The following ZC4H2 variants were observed in gnomAD, a reference collection of about 807,000 sequenced individuals.
ZC4H2 encodes zinc finger C4H2-type containing.
For synonymous variants in ZC4H2, 84 were observed against 66.3 expected (o/e 1.27, Z -1.30); for missense variants, 137 against 173.9 (o/e 0.79, Z 1.19).
chrX:64,947,845 C>CT lies in ZC4H2; in HGVS notation c.54-25858dup, dbSNP rs755382195. ...CTTCCAATTTGTGTATGTCACTTCTCTTTTTTTTTTTTTTGTTTATAAATC... is the reference window on the plus strand; with the variant it reads ...CTTCCAATTTGTGTATGTCACTTCTCTTTTTTTTTTTTTTTGTTTATAAATC... On this transcript the variant is annotated intron_variant, in intron 1 of 4. Transcript: ENST00000374839. Among the ~76,000 whole-genome samples, 362 of 100,802 alleles carry CT rather than the reference C, an allele frequency of 3.6e-3. 2 individuals are homozygous for CT. Among genetic ancestry groups the CT allele is most frequent in the East Asian group, 9.1e-3 (30 of 3,280 alleles). 87.5% of individuals were successfully genotyped at this position (100,802 alleles called of 115,157 possible).
intron 1 of ZC4H2, among the ~76,000 whole-genome samples, chrX:64,924,120 T>C (rs969622225): frequency 7.2e-5 from 8 of 111,751 alleles, no homozygotes; most frequent in African/African-American, 2.6e-4. Flanking sequence ...CAGAGTAGTA[T>C]AGTGTCTCAC....
intron 1 of ZC4H2, among the ~76,000 whole-genome samples, chrX:65,032,146 G>T (rs1932940363): frequency 9.0e-6 from 1 of 111,675 alleles, no homozygotes; most frequent in Non-Finnish European, 1.9e-5. Flanking sequence ...CCCCAGGAAA[G>T]ATATTGAAGG....
chrX:65,011,444 G>A (rs1298983663), intron 1 of ZC4H2, among the ~76,000 whole-genome samples: 2 of 111,481 alleles, frequency 1.8e-5, no homozygotes, highest in Non-Finnish European at 3.8e-5. Context: ...CTGGGTGAGG[G>A]AGAGGTCTGG....
At chrX:64,984,339 C>A (rs925830569) in intron 1 of ZC4H2, among the ~76,000 whole-genome samples, 8 of 112,037 alleles carry the variant, frequency 7.1e-5, no homozygotes, top group African/African-American at 2.6e-4. Context: ...GCCAGCTACA[C>A]AAGAGGACAG....
At chrX:64,961,453 T>C (rs1453864979) in intron 1 of ZC4H2, among the ~76,000 whole-genome samples, 1 of 111,125 alleles carries the variant, frequency 9.0e-6, no homozygotes. Flanking sequence ...CTGCCATGCC[T>C]CTACTTGGTC....
At chrX:65,016,734 C>T (rs1048790609) in intron 1 of ZC4H2, among the ~76,000 whole-genome samples, 5 of 111,931 alleles carry the variant, frequency 4.5e-5, no homozygotes, top group African/African-American at 1.3e-4. Context: ...GACCAGGGCC[C>T]AATATGTCTA....
rs144474641 is a variant in ZC4H2 at position 64,981,629 on chromosome X, G to A, written c.-272+53000C>T. Among the ~76,000 whole-genome samples the A allele has an allele frequency of 5.3e-3, 591 of 111,049 alleles. 3 individuals carry two copies. The highest frequency in any genetic ancestry group is 9.2e-3 in the Middle Eastern group (2 of 217). On this transcript the variant is annotated intron_variant, in intron 1 of 4. Coordinates refer to the ZC4H2 transcript ENST00000337990. ...TGGAAGAGAACCGTACGATGTTAGA[G>A]CTAGAAGGCACTCACATGTGATATA...
intron 1 of ZC4H2, among the ~76,000 whole-genome samples, chrX:64,926,151 T>A (rs1929413896): frequency 9.0e-6 from 1 of 111,629 alleles, no homozygotes; most frequent in South Asian, 3.8e-4. Context: ...TATCTTTCAA[T>A]AGTGGTGCAT....
intron 3 of ZC4H2, chrX:64,919,873 C>T: frequency 2.7e-6 from 1 of 366,106 alleles, no homozygotes; most frequent in African/African-American, 2.6e-5. Context: ...GTTTAATAAT[C>T]CTCCTTCTGT....
At chrX:65,023,964 G>A (rs768823996) in intron 1 of ZC4H2, among the ~76,000 whole-genome samples, 1 of 111,526 alleles carries the variant, frequency 9.0e-6, no homozygotes, top group South Asian at 3.8e-4. Flanking sequence ...CAGGGACACG[G>A]ATGAATTTGT....
Position 64,967,340 on chromosome X carries a change from G to C in ZC4H2, c.53+8985C>G, listed in dbSNP as rs184366865. 5.4e-4 allele frequency among the ~76,000 whole-genome samples: 60 copies of C among 111,478 alleles called. 1 individual carries two copies. The East Asian group carries it at 7.9e-3, about 15-fold the overall frequency. On this transcript the variant is annotated intron_variant, in intron 1 of 4. Coordinates refer to ENST00000374839, the MANE Select transcript of ZC4H2 (RefSeq NM_018684.4). ...CTAATCTACAAAGAGTGTCATGCCA[G>C]TCACTGCTTAGATGTACTCACAATA...
chrX:64,995,391 G>A (rs767248019), intron 1 of ZC4H2, among the ~76,000 whole-genome samples: 4 of 111,731 alleles, frequency 3.6e-5, no homozygotes, highest in Non-Finnish European at 7.5e-5. Flanking sequence ...TGTTGAGATG[G>A]GGTCTCACTC....
chrX:64,949,867 A>G (rs1044934418), intron 1 of ZC4H2, among the ~76,000 whole-genome samples: 4 of 110,843 alleles, frequency 3.6e-5, no homozygotes, highest in Non-Finnish European at 7.6e-5. Context: ...CTCTGATCTT[A>G]GTTATTTCTT....
intron 1 of ZC4H2, among the ~76,000 whole-genome samples, chrX:64,929,632 C>T (rs1929649581): frequency 9.0e-6 from 1 of 111,323 alleles, no homozygotes; most frequent in African/African-American, 3.3e-5. Flanking sequence ...TGTCCTTTCC[C>T]CACTTTATGT....
intron 1 of ZC4H2, among the ~76,000 whole-genome samples, chrX:65,007,596 C>G (rs1932688882): frequency 9.0e-6 from 1 of 111,653 alleles, no homozygotes; most frequent in Admixed American, 9.6e-5. Flanking sequence ...GGGTGCCAGC[C>G]CTTCAAACTT....
At chrX:64,938,789 A>T (rs1027682250) in intron 1 of ZC4H2, among the ~76,000 whole-genome samples, 4 of 111,968 alleles carry the variant, frequency 3.6e-5, no homozygotes, top group Non-Finnish European at 7.5e-5. Flanking sequence ...AATGTATCTC[A>T]AAATAATAAG....
chrX:64,968,661 G>A (rs1931673441), intron 1 of ZC4H2, among the ~76,000 whole-genome samples: 1 of 111,447 alleles, frequency 9.0e-6, no homozygotes, highest in Non-Finnish European at 1.9e-5. Flanking sequence ...AGCACAGCTA[G>A]TATGACTCGT....
intron 1 of ZC4H2, among the ~76,000 whole-genome samples, chrX:64,928,863 CTTCTCCTTCTTTTCTTCTCT>C (rs1224227623): frequency 2.0e-5 from 2 of 100,643 alleles, no homozygotes; most frequent in Non-Finnish European, 4.0e-5. Flanking sequence ...CCTTCTCCTT[CTTCTCCTTCTTTTCTTCTCT>C]TTCTCCTTCT....
intron 1 of ZC4H2, among the ~76,000 whole-genome samples, chrX:64,981,738 ACT>A (rs1932086119): frequency 1.8e-5 from 2 of 110,474 alleles, no homozygotes; most frequent in Admixed American, 9.6e-5. Context: ...CATTCTTCAC[ACT>A]CTCTCAGAAA....
Sources: gnomAD v4.1 joint callset for allele counts (sites outside exome capture counted in the v4.1 genomes callset) on GRCh38, gnomAD v4.1.1 for gene constraint, MANE v1.5 for transcripts, NCBI Gene and HGNC (gene_info 2026-07-23, HGNC 2026-07-21) for gene names.